The following SORCS2 variants were observed in gnomAD, a reference collection of about 807,000 sequenced individuals.
The protein encoded by SORCS2 is sortilin related VPS10 domain containing receptor 2.
Under a neutral mutation model 141.6 loss-of-function variants are expected in SORCS2, and 100 were observed. The observed-to-expected ratio is 0.71, with a 90% CI of 0.60 to 0.83. The LOEUF (loss-of-function observed/expected upper bound fraction) is 0.83, where lower values mean the gene tolerates loss of function less well. SORCS2 is among the 40% of genes least tolerant of loss of function. SORCS2 has a pLI of 0.00. For synonymous variants in SORCS2, 789 were observed against 676.9 expected (o/e 1.17, Z -2.57); for missense variants, 1,646 against 1,560.2 (o/e 1.05, Z -0.93).
At chr4:7,553,710 T>G (rs759633828) in intron 3 of SORCS2, among the ~76,000 whole-genome samples, 1 of 152,202 alleles carries the variant, frequency 6.6e-6, no homozygotes, top group Non-Finnish European at 1.5e-5. Context: ...TGAGAATGGA[T>G]GGAAGCCCAG....
intron 3 of SORCS2, among the ~76,000 whole-genome samples, chr4:7,590,682 G>A (rs1465325456): frequency 6.6e-6 from 1 of 152,216 alleles, no homozygotes; most frequent in Non-Finnish European, 1.5e-5. Flanking sequence ...AATGGGGCTG[G>A]GCCCACCCAT....
chr4:7,557,582 G>C (rs752787163), intron 3 of SORCS2, among the ~76,000 whole-genome samples: 31 of 152,342 alleles, frequency 2.0e-4, no homozygotes, highest in Middle Eastern at 3.4e-3. Context: ...ACTAGATTCT[G>C]TTATCATAGT....
intron 2 of SORCS2, among the ~76,000 whole-genome samples, chr4:7,464,208 C>T (rs1729475789): frequency 6.6e-6 from 1 of 152,150 alleles, no homozygotes; most frequent in Non-Finnish European, 1.5e-5. Context: ...TGGGATTCAA[C>T]CTGCAGAACC....
At chr4:7,421,909 GC>G (rs1172674662) in intron 2 of SORCS2, among the ~76,000 whole-genome samples, 3 of 106,198 alleles carry the variant, frequency 2.8e-5, no homozygotes, top group Admixed American at 9.9e-5. Context: ...GAGGGCAGGG[GC>G]TGGGGCGGGG....
Position 7,714,338 on chromosome 4 carries a change from C to T in SORCS2, c.2088C>T (p.Ser696=), listed in dbSNP as rs1032784550. The stretch of plus-strand genomic sequence containing the variant: ...GGAGCTTCACGTCGGCGCTCACGTC[C>T]CGCGTGTGCGAGTGCCGGGACTCGG... The part of the protein sequence containing the change: ...KGRSFTSALT[S]RVCECRDSDF... The change falls in exon 16 of 27, where the codon TCC becomes TCT. Residue 696 remains serine (S), a synonymous_variant. Coordinates refer to ENST00000507866, the MANE Select transcript of SORCS2 (RefSeq NM_020777.3). 3 of 1,568,632 alleles carry T rather than the reference C, an allele frequency of 1.9e-6. No homozygotes were observed. Among genetic ancestry groups the T allele is most frequent in the Admixed American group, 1.9e-5 (1 of 53,122 alleles).
intron 1 of SORCS2, among the ~76,000 whole-genome samples, chr4:7,302,187 C>T (rs1168727686): frequency 6.6e-6 from 1 of 152,264 alleles, no homozygotes; most frequent in East Asian, 1.9e-4. Context: ...TCCTCACAGG[C>T]AGGCACCATC....
At chr4:7,396,215 G>T in intron 1 of SORCS2, 73 bp from the exon 2 acceptor site, 1 of 1,436,016 alleles carries the variant, frequency 7.0e-7, no homozygotes, top group Non-Finnish European at 9.7e-7. Context: ...GCACGGAGTG[G>T]TGTCACTGTA....
At chr4:7,711,132 G>T (rs1459166767) in intron 14 of SORCS2, among the ~76,000 whole-genome samples, 1 of 152,184 alleles carries the variant, frequency 6.6e-6, no homozygotes, top group African/African-American at 2.4e-5. Context: ...GCTTGCAGAG[G>T]CTTAGGGTTT....
chr4:7,725,537 G>A (rs529928337), intron 20 of SORCS2, among the ~76,000 whole-genome samples: 5 of 152,342 alleles, frequency 3.3e-5, no homozygotes, highest in East Asian at 1.9e-4. Context: ...AGATGGGAAC[G>A]CAGTGGATTA....
rs1160755170 is a variant in SORCS2, at chr4:7,543,938, A to AT, written c.648+12309_648+12310insT. Among the ~76,000 whole-genome samples the AT allele has an allele frequency of 3.5e-4, 35 of 100,846 alleles. 2 individuals carry two copies. The highest frequency in any genetic ancestry group is 9.7e-4 in the African/African-American group (23 of 23,684). The allele number at this position is 100,846 out of a possible 152,430, so 66.2% of individuals were successfully genotyped here. A position where few individuals can be genotyped will look rare whatever the true frequency, so the allele number is the denominator to read the frequency against. ...CACCCATCCACCCATCCACCCATCC[A>AT]CCCATCCATCCATCCATCCATCCAT... On this transcript the variant is annotated intron_variant, in intron 3 of 26. Transcript: ENST00000507866.
chr4:7,257,674 A>C (rs776197634), intron 1 of SORCS2, among the ~76,000 whole-genome samples: 1 of 152,204 alleles, frequency 6.6e-6, no homozygotes, highest in Non-Finnish European at 1.5e-5. Context: ...TGACAGGAAG[A>C]GAAGTGCACA....
intron 1 of SORCS2, among the ~76,000 whole-genome samples, chr4:7,307,647 G>T (rs571967964): frequency 6.6e-6 from 1 of 152,216 alleles, no homozygotes; most frequent in African/African-American, 2.4e-5. Context: ...AGAGGGAAGC[G>T]GCTGAGGGTG....
chr4:7,425,765 T>C (rs1044210717), intron 2 of SORCS2, among the ~76,000 whole-genome samples: 7 of 152,204 alleles, frequency 4.6e-5, no homozygotes, highest in Non-Finnish European at 1.0e-4. Context: ...AGTTCTCACA[T>C]GACCAGCCTG....
chr4:7,430,679 C>T (rs1329024323), intron 2 of SORCS2: 1 of 152,262 alleles, frequency 6.6e-6, no homozygotes, highest in Non-Finnish European at 1.5e-5. Context: ...AATCCATGCT[C>T]AACATCTGTC....
intron 3 of SORCS2, among the ~76,000 whole-genome samples, chr4:7,563,030 T>G (rs1162905329): frequency 6.6e-6 from 1 of 152,216 alleles, no homozygotes; most frequent in Non-Finnish European, 1.5e-5. Flanking sequence ...TTTAACCCAA[T>G]ATGCCATGCT....
chr4:7,495,766 TCTGCACTTCTCCCTCAGCCCC>T (rs1731577386), intron 2 of SORCS2, among the ~76,000 whole-genome samples: 1 of 152,174 alleles, frequency 6.6e-6, no homozygotes, highest in South Asian at 2.1e-4. Context: ...ATGCAGGCCC[TCTGCACTTCTCCCTCAGCCCC>T]CTGATTGAGT....
chr4:7,358,201 C>T (rs765765154), intron 1 of SORCS2, among the ~76,000 whole-genome samples: 1 of 152,186 alleles, frequency 6.6e-6, no homozygotes, highest in Non-Finnish European at 1.5e-5. Flanking sequence ...TGTGGGTGAA[C>T]AGGCCAGCTG....
At chr4:7,377,871 G>A (rs557184983) in intron 1 of SORCS2, among the ~76,000 whole-genome samples, 29 of 152,256 alleles carry the variant, frequency 1.9e-4, no homozygotes, top group African/African-American at 5.8e-4. Flanking sequence ...TCCCGTCCTC[G>A]TCCTTCCGTG....
At position 7,292,775 on chromosome 4, in the gene SORCS2, T is replaced by C. The variant is rs372428721; in HGVS notation, c.480+99649T>C. On this transcript the variant is annotated intron_variant, in intron 1 of 26. Transcript: ENST00000507866. ...TGCTGTTTTGGAGACGTTGCCATGA[T>C]GCCCTTGATGAAGATGCTACGAGCA... is the stretch of plus-strand genomic sequence containing the variant. Among the ~76,000 whole-genome samples, 4 of 152,334 alleles carry C rather than the reference T, an allele frequency of 2.6e-5. No homozygotes were observed. In the East Asian group the frequency reaches 5.8e-4, roughly 22 times the overall value.
Sources: gnomAD v4.1 joint callset for allele counts (sites outside exome capture counted in the v4.1 genomes callset) on GRCh38, gnomAD v4.1.1 for gene constraint, MANE v1.5 for transcripts, NCBI Gene and HGNC (gene_info 2026-07-23, HGNC 2026-07-21) for gene names.